The following SULT2A1 variants were observed in gnomAD, a reference collection of about 807,000 sequenced individuals.
The protein encoded by SULT2A1 is sulfotransferase 2A1.
A neutral mutation model predicts 33.9 loss-of-function variants in SULT2A1; 43 were observed. The ratio of observed to expected loss-of-function variants is 1.27; its 90% CI spans 1.00 to 1.64. SULT2A1 has a LOEUF of 1.64. Ranked by LOEUF, SULT2A1 falls within the 40% of genes most tolerant of loss-of-function variation. The pLI is 0.00. For synonymous variants in SULT2A1, 125 were observed against 113.6 expected (o/e 1.10, Z -0.64); for missense variants, 300 against 335.1 (o/e 0.90, Z 0.82).
In SULT2A1 at chr19:47,886,283, T is replaced by C. The variant is rs377510315; in HGVS notation, c.-26A>G. The C allele has an allele frequency of 3.5e-5, 56 of 1,612,942 alleles. No individual in the cohort carries two copies. Among genetic ancestry groups the C allele is most frequent in the Non-Finnish European group, 4.7e-5 (55 of 1,179,442 alleles). Reference sequence around the variant, plus strand: ...GATGATGACCTCTTCCTGCGTGGTGTGAGGGTTTCAACTGTAGCCACCGCT... The same window carrying C: ...GATGATGACCTCTTCCTGCGTGGTGCGAGGGTTTCAACTGTAGCCACCGCT... On this transcript the variant is annotated 5_prime_UTR_variant, in exon 1 of 6. Coordinates refer to ENST00000222002, the MANE Select transcript of SULT2A1 (RefSeq NM_003167.4).
rs562073646 is a variant in SULT2A1 at position 47,877,689 on chromosome 19, A to G, written c.567+1347T>C. ...CTCAGCCTCCCAAGTAGCTGGGACTACAGGTGCCTGCCACCATGCCCGGCT... is the reference window on the plus strand; with the variant it reads ...CTCAGCCTCCCAAGTAGCTGGGACTGCAGGTGCCTGCCACCATGCCCGGCT... On this transcript the variant is annotated intron_variant, in intron 4 of 5. Transcript: ENST00000222002. 1.3e-4 allele frequency among the ~76,000 whole-genome samples: 19 copies of G among 151,762 alleles called. No individual in the cohort carries two copies. In the South Asian group the frequency reaches 3.7e-3, roughly 30 times the overall value.
At chr19:47,873,417 C>T (rs1468245977) in intron 5 of SULT2A1, among the ~76,000 whole-genome samples, 5 of 151,440 alleles carry the variant, frequency 3.3e-5, no homozygotes, top group African/African-American at 4.9e-5. Flanking sequence ...GTGATCCACC[C>T]GCCTTGGCCT....
At chr19:47,874,122 G>A (rs1968519266) in intron 5 of SULT2A1, among the ~76,000 whole-genome samples, 2 of 152,090 alleles carry the variant, frequency 1.3e-5, no homozygotes, top group Admixed American at 1.3e-4. Flanking sequence ...ATGACCTCAC[G>A]TAAGTCAGAT....
intron 1 of SULT2A1, among the ~76,000 whole-genome samples, chr19:47,885,433 A>G (rs930770625): frequency 3.9e-5 from 6 of 152,174 alleles, no homozygotes; most frequent in African/African-American, 1.4e-4. Flanking sequence ...CTTCCTTCTC[A>G]AGGATGAATA....
chr19:47,881,800 C>A (rs2547231), intron 3 of SULT2A1, among the ~76,000 whole-genome samples: 131,433 of 151,986 alleles, frequency 0.86, 56,999 homozygotes, highest in East Asian at 1. Flanking sequence ...AACTTCCAGA[C>A]ATCTAGCATT....
chr19:47,874,560 A>AAAC, intron 5 of SULT2A1, 97 bp downstream of exon 5: 1 of 882,288 alleles, frequency 1.1e-6, no homozygotes, highest in Non-Finnish European at 1.7e-6. Flanking sequence ...AAAAAAAAAA[A>AAAC]GCACTCTTTC....
intron 1 of SULT2A1, among the ~76,000 whole-genome samples, chr19:47,884,801 CCA>C (rs1477655222): frequency 4.4e-5 from 6 of 137,598 alleles, no homozygotes; most frequent in African/African-American, 1.8e-4. Flanking sequence ...CAGCTCTCAA[CCA>C]CTTTTTTTTT....
chr19:47,871,421 C>A lies in SULT2A1; in HGVS notation c.*34G>T, dbSNP rs749572700. 9.0e-6 allele frequency: 13 copies of A among 1,447,970 alleles called. No homozygotes were observed. In the South Asian group the frequency reaches 1.3e-4, roughly 14 times the overall value. The allele number at this position is 1,447,970 out of a possible 1,614,324, so 89.7% of individuals were successfully genotyped here. On this transcript the variant is annotated 3_prime_UTR_variant, in exon 6 of 6. Coordinates refer to ENST00000222002, the MANE Select transcript of SULT2A1 (RefSeq NM_003167.4). ...TGTACAAGGACAGGAGAATCAATGT[C>A]ATTCTCCATATAAGATCCAGAGTGT...
intron 4 of SULT2A1, 126 bp downstream of exon 4, chr19:47,878,910 G>C: frequency 1.4e-6 from 1 of 724,638 alleles, no homozygotes. Context: ...TGCTCTTTGT[G>C]ACTCTTCACC....
chr19:47,873,063 A>G (rs1968508058), intron 5 of SULT2A1, among the ~76,000 whole-genome samples: 1 of 151,382 alleles, frequency 6.6e-6, no homozygotes, highest in Non-Finnish European at 1.5e-5. Context: ...TACCCGGCCA[A>G]CGTTTACTTT....
intron 5 of SULT2A1, among the ~76,000 whole-genome samples, chr19:47,872,377 C>A (rs1968501140): frequency 1.3e-5 from 2 of 152,126 alleles, no homozygotes; most frequent in Non-Finnish European, 2.9e-5. Flanking sequence ...GGTGATCCAG[C>A]CCCTGTGGCT....
chr19:47,879,093 C>T lies in SULT2A1; in HGVS notation c.510G>A (p.Trp170Ter), dbSNP rs928731908. 4 of 1,613,880 alleles carry T rather than the reference C, an allele frequency of 2.5e-6. No homozygotes were observed. The highest frequency in any genetic ancestry group is 1.6e-4 in the Middle Eastern group (1 of 6,062). The change falls in exon 4 of 6, where the codon TGG (tryptophan) becomes TGA (stop). Residue 170 changes from tryptophan (W) to a stop codon, truncating the protein, a stop_gained. Transcript: ENST00000222002. LOFTEE classifies it high-confidence loss of function. ...AGTTTTTCTCCTCTCTCATGGGCATCCAGCCATGAATGTGGTCAAACCATG... is the reference window on the plus strand; with the variant it reads ...AGTTTTTCTCCTCTCTCATGGGCATTCAGCCATGAATGTGGTCAAACCATG... The part of the protein sequence containing the change: ...YGSWFDHIHG[W>*]MPMREEKNFL...
At chr19:47,883,932 C>A (rs1192686507) in intron 1 of SULT2A1, 147 bp from the exon 2 acceptor site, 26 of 701,134 alleles carry the variant, frequency 3.7e-5, no homozygotes, top group Non-Finnish European at 5.1e-5. Context: ...ATGGTGAAAC[C>A]CCGTCTCTAC....
chr19:47,882,291 G>C, intron 2 of SULT2A1, 81 bp from the exon 3 acceptor site: 1 of 1,510,316 alleles, frequency 6.6e-7, no homozygotes, highest in Non-Finnish European at 8.9e-7. Flanking sequence ...TGGAGAAAAA[G>C]CCAATTCCTG....
intron 5 of SULT2A1, among the ~76,000 whole-genome samples, chr19:47,874,249 C>T (rs1184225279): frequency 1.3e-5 from 2 of 152,014 alleles, no homozygotes; most frequent in East Asian, 1.9e-4. Context: ...GCAATTAAAG[C>T]TGATAAATTG....
At chr19:47,872,734 T>A (rs1232083277) in intron 5 of SULT2A1, among the ~76,000 whole-genome samples, 1 of 151,636 alleles carries the variant, frequency 6.6e-6, no homozygotes, top group Non-Finnish European at 1.5e-5. Flanking sequence ...CTAATATAGA[T>A]AAGTTATACA....
Position 47,883,675 on chromosome 19 carries a change from C to T in SULT2A1, c.247G>A (p.Gly83Arg), listed in dbSNP as rs1419998849. 6.2e-7 allele frequency: 1 copy of T among 1,614,104 alleles called. No individual in the cohort carries two copies. Residue 83 changes from glycine to arginine, a missense_variant, in exon 2 of 6, where the codon GGG (glycine) becomes AGG (arginine). Transcript: ENST00000222002. ...TCCGTTTCACTGAGTGCTGTATACCCAATCTCACTCTCTACCCAGGGTGAT... is the reference window on the plus strand; with the variant it reads ...TCCGTTTCACTGAGTGCTGTATACCTAATCTCACTCTCTACCCAGGGTGAT... ...ERSPWVESEIGYTALSETESP... is the reference protein window; with the variant it reads ...ERSPWVESEIRYTALSETESP...
chr19:47,878,962 G>A (rs1968575225), intron 4 of SULT2A1, 74 bp downstream of exon 4: 1 of 947,764 alleles, frequency 1.1e-6, no homozygotes, highest in Non-Finnish European at 1.7e-6. Flanking sequence ...AGACACAGCG[G>A]GATGGAGGGA....
chr19:47,884,829 T>TG (rs1223801251), intron 1 of SULT2A1, among the ~76,000 whole-genome samples: 23 of 145,510 alleles, frequency 1.6e-4, no homozygotes, highest in Non-Finnish European at 3.3e-4. Context: ...TTTTTTTTTT[T>TG]TGAGACAGAG....
Sources: allele counts gnomAD v4.1 joint callset (sites outside exome capture counted in the v4.1 genomes callset), GRCh38; gene constraint gnomAD v4.1.1; transcripts MANE v1.5; gene names NCBI Gene and HGNC (gene_info 2026-07-23, HGNC 2026-07-21).